The following RGS20 variants were observed in gnomAD, a reference collection of about 807,000 sequenced individuals.
RGS20 encodes the protein regulator of G protein signaling 20.
A neutral mutation model predicts 33.6 loss-of-function variants in RGS20; 30 were observed. The observed-to-expected ratio is 0.89, with a 90% CI of 0.67 to 1.21. RGS20 has a LOEUF of 1.21. Among genes scored for constraint, RGS20 ranks in the 50% most tolerant of loss-of-function variants. The probability of loss-of-function intolerance (pLI) is 0.00; values close to 1 mark genes in which losing one functional copy is unlikely to be tolerated. For synonymous variants in RGS20, 208 were observed against 197.9 expected (o/e 1.05, Z -0.43); for missense variants, 472 against 502.4 (o/e 0.94, Z 0.58).
chr8:53,865,334 A>G (rs1811895728), intron 1 of RGS20, among the ~76,000 whole-genome samples: 1 of 152,196 alleles, frequency 6.6e-6, no homozygotes. Context: ...TACTCATGCA[A>G]TTGCTGCAGC....
At chr8:53,948,608 CTA>C (rs1050346912) in intron 4 of RGS20, among the ~76,000 whole-genome samples, 2 of 109,736 alleles carry the variant, frequency 1.8e-5, no homozygotes, top group Non-Finnish European at 1.8e-5. Context: ...TTTACATATG[CTA>C]TATATGATAC....
intron 2 of RGS20, among the ~76,000 whole-genome samples, chr8:53,896,949 G>A (rs949916960): frequency 6.6e-6 from 1 of 152,090 alleles, no homozygotes; most frequent in Non-Finnish European, 1.5e-5. Flanking sequence ...AATCATCCCA[G>A]GATAAAAAAT....
chr8:53,912,236 G>C (rs1044317241), intron 2 of RGS20, among the ~76,000 whole-genome samples: 2 of 151,982 alleles, frequency 1.3e-5, no homozygotes, highest in African/African-American at 2.4e-5. Flanking sequence ...TATTGATGAA[G>C]GAACCAAGAC....
At chr8:53,885,340 G>A (rs1344972814) in intron 2 of RGS20, among the ~76,000 whole-genome samples, 1 of 152,176 alleles carries the variant, frequency 6.6e-6, no homozygotes, top group Non-Finnish European at 1.5e-5. Context: ...GAGGCCGGGC[G>A]CGGTGGCTCA....
At chr8:53,864,186 G>T (rs1331998313) in intron 1 of RGS20, among the ~76,000 whole-genome samples, 2 of 151,858 alleles carry the variant, frequency 1.3e-5, no homozygotes, top group African/African-American at 2.4e-5. Flanking sequence ...AGCACTTTGG[G>T]AGGCCAAGGC....
rs1202174944 is a variant in RGS20 at position 53,879,955 on chromosome 8, G to T, written c.510+353G>T. 1.6e-4 allele frequency: 43 copies of T among 261,178 alleles called. 1 individual carries two copies. In the Admixed American group the frequency reaches 2.1e-3, roughly 13 times the overall value. 16.2% of individuals were successfully genotyped at this position (261,178 alleles called of 1,614,324 possible). A position where few individuals can be genotyped will look rare whatever the true frequency, so the allele number is the denominator to read the frequency against. On this transcript the variant is annotated intron_variant, in intron 2 of 5. Transcript: ENST00000297313. ...CCGAGCCTCCCCCAAACGCGCCTCC[G>T]CCTGCTCCCAGCGCTCGCTCTCCCA...
At chr8:53,862,952 T>C (rs1224589689) in intron 1 of RGS20, among the ~76,000 whole-genome samples, 4 of 152,140 alleles carry the variant, frequency 2.6e-5, no homozygotes, top group Non-Finnish European at 2.9e-5. Context: ...TTTTAGGAAA[T>C]CGGGAACCAG....
At chr8:53,894,328 G>A (rs1369370943) in intron 2 of RGS20, among the ~76,000 whole-genome samples, 3 of 152,124 alleles carry the variant, frequency 2.0e-5, no homozygotes, top group African/African-American at 7.2e-5. Flanking sequence ...AAGGGGGAGG[G>A]AGATCTAAAA....
At chr8:53,948,289 A>G (rs1168564918) in intron 4 of RGS20, among the ~76,000 whole-genome samples, 2 of 140,192 alleles carry the variant, frequency 1.4e-5, no homozygotes, top group Non-Finnish European at 3.0e-5. Flanking sequence ...ATATATTTAT[A>G]TATACGATAT....
chr8:53,904,763 TAATA>T (rs143820633), intron 2 of RGS20, among the ~76,000 whole-genome samples: 6,924 of 152,244 alleles, frequency 0.045, 450 homozygotes, highest in African/African-American at 0.15. Context: ...GCAAAGCTCT[TAATA>T]AAGATTTCAA....
At position 53,958,553 on chromosome 8, in the gene RGS20, G is replaced by A; in HGVS notation, c.*95G>A. On this transcript the variant is annotated 3_prime_UTR_variant, in exon 6 of 6. Transcript: ENST00000297313. ...TTTAGAGGTTGTAGCATCTTCTGCT[G>A]GAGTAATACTCAGGCTATTCTAATA... 1 of 572,400 alleles carries A rather than the reference G, an allele frequency of 1.7e-6. No homozygotes were observed. Among genetic ancestry groups the A allele is most frequent in the Non-Finnish European group, 2.7e-6 (1 of 374,944 alleles). The allele number at this position is 572,400 out of a possible 1,614,324, so 35.5% of individuals were successfully genotyped here.
intron 2 of RGS20, among the ~76,000 whole-genome samples, chr8:53,900,603 A>G (rs1013144059): frequency 6.6e-6 from 1 of 152,248 alleles, no homozygotes; most frequent in Non-Finnish European, 1.5e-5. Context: ...CCTAGTTTTC[A>G]GAGACCTTTC....
intron 5 of RGS20, among the ~76,000 whole-genome samples, chr8:53,956,696 T>C (rs1392844198): frequency 6.6e-6 from 1 of 152,252 alleles, no homozygotes; most frequent in Non-Finnish European, 1.5e-5. Context: ...TAATATTCAG[T>C]TGACATGTTT....
Position 53,958,290 on chromosome 8 carries a change from G to T in RGS20, c.999G>T (p.Val333=). The T allele has an allele frequency of 6.2e-7, 1 of 1,612,610 alleles. No homozygotes were observed. The highest frequency in any genetic ancestry group is 8.5e-7 in the Non-Finnish European group (1 of 1,179,250). The change falls in exon 6 of 6, where the codon GTG becomes GTT. Residue 333 remains valine (V), a synonymous_variant. Coordinates refer to ENST00000297313, the MANE Select transcript of RGS20 (RefSeq NM_170587.4). ...GACAGGTGAGCTTAGACTCCCGGGT[G>T]AGAGAAGTGATCAACAGAAACATGG...
At chr8:53,923,869 A>C (rs1813719168) in intron 2 of RGS20, among the ~76,000 whole-genome samples, 1 of 151,860 alleles carries the variant, frequency 6.6e-6, no homozygotes, top group Admixed American at 6.6e-5. Context: ...TTAGTTTCCT[A>C]TTTTTTGACA....
chr8:53,890,217 C>T (rs913724984), intron 2 of RGS20, among the ~76,000 whole-genome samples: 2 of 152,086 alleles, frequency 1.3e-5, no homozygotes, highest in African/African-American at 4.8e-5. Flanking sequence ...ATTAAGCTGT[C>T]TTCCTCTGTG....
chr8:53,953,025 G>GAGA (rs779689399), intron 4 of RGS20, among the ~76,000 whole-genome samples: 2 of 152,140 alleles, frequency 1.3e-5, no homozygotes, highest in Non-Finnish European at 2.9e-5. Flanking sequence ...GCATTCATAA[G>GAGA]TGTTCATTTA....
At chr8:53,854,801 G>A (rs1811637716) in intron 1 of RGS20, among the ~76,000 whole-genome samples, 1 of 152,116 alleles carries the variant, frequency 6.6e-6, no homozygotes, top group African/African-American at 2.4e-5. Flanking sequence ...ACCTACATTT[G>A]CACCAACCCT....
chr8:53,906,016 G>T (rs188737158), intron 2 of RGS20, among the ~76,000 whole-genome samples: 2 of 152,240 alleles, frequency 1.3e-5, no homozygotes, highest in East Asian at 3.9e-4. Flanking sequence ...GAAGTCAGAG[G>T]CATGCATGGG....
Sources: allele counts gnomAD v4.1 joint callset (sites outside exome capture counted in the v4.1 genomes callset), GRCh38; gene constraint gnomAD v4.1.1; transcripts MANE v1.5; gene names NCBI Gene and HGNC (gene_info 2026-07-23, HGNC 2026-07-21).